Variants in GRIP1 observed in about 807,000 individuals in gnomAD.
The protein encoded by GRIP1 is glutamate receptor-interacting protein 1.
A neutral mutation model predicts 129.9 loss-of-function variants in GRIP1; 45 were observed. That is an observed-to-expected ratio of 0.35 (90% CI 0.27 to 0.44). The LOEUF (loss-of-function observed/expected upper bound fraction) is 0.44, where lower values mean the gene tolerates loss of function less well. GRIP1 is among the 20% of genes least tolerant of loss of function. The pLI is 1.00. For synonymous variants in GRIP1, 530 were observed against 520.8 expected (o/e 1.02, Z -0.24); for missense variants, 1,196 against 1,396.8 (o/e 0.86, Z 2.29).
At chr12:67,041,169 C>T (rs922957608) in intron 1 of GRIP1, among the ~76,000 whole-genome samples, 1 of 151,864 alleles carries the variant, frequency 6.6e-6, no homozygotes. Flanking sequence ...CTCTCTCTCT[C>T]TATATGTACA....
Position 66,705,904 on chromosome 12 carries a change from C to T in GRIP1, c.-419-75568G>A, listed in dbSNP as rs369902706. On this transcript the variant is annotated intron_variant, in intron 1 of 4. Coordinates refer to the GRIP1 transcript ENST00000538373. ...TCCTCACACCTTATATAAAAATTAA[C>T]TCAAGGTGGATAAAAGACTTAAATG... Among the ~76,000 whole-genome samples, 5 of 152,200 alleles carry T rather than the reference C, an allele frequency of 3.3e-5. No homozygotes were observed. The East Asian group carries it at 7.7e-4, about 24-fold the overall frequency.
intron 1 of GRIP1, among the ~76,000 whole-genome samples, chr12:66,646,999 G>A (rs1032526755): frequency 6.6e-6 from 1 of 152,184 alleles, no homozygotes; most frequent in Non-Finnish European, 1.5e-5. Context: ...TTTTCCAGAT[G>A]AGAAAATGGT....
chr12:66,695,665 G>A (rs1048838602), intron 1 of GRIP1, among the ~76,000 whole-genome samples: 6 of 152,190 alleles, frequency 3.9e-5, no homozygotes, highest in Admixed American at 3.3e-4. Context: ...GATAATCTTC[G>A]TTTTTAAGGA....
intron 2 of GRIP1, among the ~76,000 whole-genome samples, chr12:66,593,162 A>C (rs540920189): frequency 6.6e-6 from 1 of 152,338 alleles, no homozygotes; most frequent in East Asian, 1.9e-4. Flanking sequence ...ACATGATTAA[A>C]ATGACAAGTT....
intron 1 of GRIP1, among the ~76,000 whole-genome samples, chr12:66,689,961 C>T (rs1400768728): frequency 6.6e-6 from 1 of 151,912 alleles, no homozygotes; most frequent in African/African-American, 2.4e-5. Context: ...CTTTCTTGCC[C>T]AGGCTAGAGT....
chr12:67,033,978 A>C (rs2043058629), intron 1 of GRIP1, among the ~76,000 whole-genome samples: 1 of 152,208 alleles, frequency 6.6e-6, no homozygotes, highest in Non-Finnish European at 1.5e-5. Flanking sequence ...TTCTAAGCCT[A>C]ATCTATCAAG....
intron 24 of GRIP1, among the ~76,000 whole-genome samples, chr12:66,353,068 G>A (rs763903776): frequency 6.6e-6 from 1 of 152,200 alleles, no homozygotes; most frequent in Non-Finnish European, 1.5e-5. Context: ...TGGTAGGAAG[G>A]ACTAGACTGG....
At chr12:66,402,824 C>A (rs2057053139) in intron 16 of GRIP1, among the ~76,000 whole-genome samples, 1 of 152,182 alleles carries the variant, frequency 6.6e-6, no homozygotes, top group South Asian at 2.1e-4. Context: ...ATCAAACTTT[C>A]AAAATCAGTG....
chr12:66,899,171 A>G (rs1395621792), intron 1 of GRIP1, among the ~76,000 whole-genome samples: 1 of 152,104 alleles, frequency 6.6e-6, no homozygotes, highest in African/African-American at 2.4e-5. Context: ...CTTGATCTCT[A>G]TCTTCTTTGA....
At chr12:66,848,416 A>G (rs752465492) in intron 1 of GRIP1, among the ~76,000 whole-genome samples, 25 of 152,282 alleles carry the variant, frequency 1.6e-4, no homozygotes, top group Non-Finnish European at 3.4e-4. Flanking sequence ...GACAGAAAAT[A>G]GTCCTATCTG....
At chr12:67,046,048 T>G (rs1592510369) in intron 1 of GRIP1, among the ~76,000 whole-genome samples, 1 of 152,298 alleles carries the variant, frequency 6.6e-6, no homozygotes, top group East Asian at 1.9e-4. Flanking sequence ...CTGGCTTTAC[T>G]AAGCACCTTA....
chr12:67,063,890 T>C (rs890557821), intron 1 of GRIP1, among the ~76,000 whole-genome samples: 9 of 152,172 alleles, frequency 5.9e-5, no homozygotes, highest in Admixed American at 2.0e-4. Context: ...TGGCTTTAAT[T>C]AAATAAAATG....
At chr12:66,591,237 G>T (rs1413860388) in intron 2 of GRIP1, among the ~76,000 whole-genome samples, 1 of 152,174 alleles carries the variant, frequency 6.6e-6, no homozygotes, top group Non-Finnish European at 1.5e-5. Context: ...TATCAGTCTT[G>T]ACTTTATAAT....
At position 66,576,901 on chromosome 12, in the gene GRIP1, G is replaced by C. The variant is rs1433750583; in HGVS notation, c.136+19946C>G. Reference sequence around the variant, plus strand: ...ACCTGTATGTGTTAGTTGATGGCAAGTTCAATATAAACAAACATCATTATT... The same window carrying C: ...ACCTGTATGTGTTAGTTGATGGCAACTTCAATATAAACAAACATCATTATT... On this transcript the variant is annotated intron_variant, in intron 2 of 24. Transcript: ENST00000359742. 5.3e-5 allele frequency among the ~76,000 whole-genome samples: 8 copies of C among 152,282 alleles called. No individual in the cohort carries two copies. In the East Asian group the frequency reaches 1.5e-3, roughly 29 times the overall value.
chr12:66,475,546 C>T (rs1013869244), intron 7 of GRIP1, among the ~76,000 whole-genome samples: 2 of 152,222 alleles, frequency 1.3e-5, no homozygotes, highest in Admixed American at 6.5e-5. Context: ...CACCACACTG[C>T]ACCTATTCCA....
chr12:66,781,376 C>A (rs2038154196), intron 1 of GRIP1, among the ~76,000 whole-genome samples: 1 of 152,052 alleles, frequency 6.6e-6, no homozygotes, highest in Non-Finnish European at 1.5e-5. Flanking sequence ...TTCTTTCTGT[C>A]CTTTTTAAAG....
chr12:66,477,276 C>T (rs1327717296), intron 7 of GRIP1, among the ~76,000 whole-genome samples: 1 of 152,024 alleles, frequency 6.6e-6, no homozygotes, highest in East Asian at 1.9e-4. Context: ...CTCCCATTCA[C>T]AATTGCTTCA....
intron 9 of GRIP1, among the ~76,000 whole-genome samples, chr12:66,460,700 CT>C (rs2059111197): frequency 6.6e-6 from 1 of 152,176 alleles, no homozygotes. Flanking sequence ...CTAACACAAT[CT>C]GGAAATTTGG....
intron 1 of GRIP1, among the ~76,000 whole-genome samples, chr12:66,657,635 G>A (rs539749310): frequency 6.6e-6 from 1 of 152,314 alleles, no homozygotes; most frequent in Admixed American, 6.5e-5. Flanking sequence ...AACCCTTGCT[G>A]GAGAAGCAGA....
Sources: gnomAD v4.1 joint callset for allele counts (sites outside exome capture counted in the v4.1 genomes callset) on GRCh38, gnomAD v4.1.1 for gene constraint, MANE v1.5 for transcripts, NCBI Gene and HGNC (gene_info 2026-07-23, HGNC 2026-07-21) for gene names.